Variants in TNNI3K observed in about 807,000 individuals in gnomAD.
TNNI3K encodes the protein TNNI3 interacting kinase.
Under a neutral mutation model 114.5 loss-of-function variants are expected in TNNI3K, and 140 were observed. The observed-to-expected ratio is 1.22, with a 90% CI of 1.07 to 1.41. The LOEUF (loss-of-function observed/expected upper bound fraction) is 1.41. TNNI3K is among the 40% of genes most tolerant of loss of function. The pLI is 0.00. For missense variants in TNNI3K, 1,125 were observed against 1,007.6 expected (o/e 1.12, Z -1.58); for synonymous variants, 347 against 347.5 (o/e 1.00, Z 0.02).
intron 17 of TNNI3K, 106 bp from the exon 18 acceptor site, chr1:74,435,974 A>G (rs77441605): frequency 0.012 from 17,062 of 1,423,192 alleles, 126 homozygotes; most frequent in Middle Eastern, 0.017. Context: ...TTTATTCTCT[A>G]GGGCAAACAA....
chr1:74,445,371 TC>T (rs1225187654), intron 20 of TNNI3K, among the ~76,000 whole-genome samples: 2 of 55,550 alleles, frequency 3.6e-5, no homozygotes, highest in African/African-American at 7.3e-5. Flanking sequence ...CCCTCCCCCC[TC>T]CCCCCACCCC....
intron 2 of TNNI3K, among the ~76,000 whole-genome samples, chr1:74,245,232 G>T (rs1198663427): frequency 6.6e-6 from 1 of 152,158 alleles, no homozygotes; most frequent in Non-Finnish European, 1.5e-5. Context: ...AAGTTCTCTT[G>T]TACTCTGACT....
At chr1:74,304,083 C>G (rs1004319010) in intron 5 of TNNI3K, among the ~76,000 whole-genome samples, 3 of 152,198 alleles carry the variant, frequency 2.0e-5, no homozygotes, top group Admixed American at 1.3e-4. Context: ...GGTGAAGATA[C>G]TGTGAACAAT....
intron 17 of TNNI3K, among the ~76,000 whole-genome samples, chr1:74,401,100 T>A (rs1277557603): frequency 6.6e-6 from 1 of 152,242 alleles, no homozygotes; most frequent in Non-Finnish European, 1.5e-5. Context: ...TAGGTAGTTG[T>A]TCTGTACTGG....
At chr1:74,263,453 T>C (rs1655793519) in intron 4 of TNNI3K, among the ~76,000 whole-genome samples, 1 of 151,984 alleles carries the variant, frequency 6.6e-6, no homozygotes, top group Non-Finnish European at 1.5e-5. Flanking sequence ...TGATGTTTTA[T>C]AAGTGAAGAA....
chr1:74,452,299 C>T (rs1366959703), intron 20 of TNNI3K, among the ~76,000 whole-genome samples: 1 of 152,116 alleles, frequency 6.6e-6, no homozygotes, highest in Non-Finnish European at 1.5e-5. Flanking sequence ...AAATTGCAAA[C>T]TCTCTGTAAC....
intron 9 of TNNI3K, among the ~76,000 whole-genome samples, chr1:74,343,787 A>G (rs1346974724): frequency 6.6e-6 from 1 of 152,170 alleles, no homozygotes; most frequent in Non-Finnish European, 1.5e-5. Context: ...AAAAGTTGCA[A>G]CCAAAATAAA....
At chr1:74,483,900 G>A (rs1288356684) in intron 21 of TNNI3K, among the ~76,000 whole-genome samples, 1 of 152,026 alleles carries the variant, frequency 6.6e-6, no homozygotes, top group Non-Finnish European at 1.5e-5. Context: ...CCACACCTAG[G>A]GAGTGAGTAT....
intron 5 of TNNI3K, among the ~76,000 whole-genome samples, chr1:74,309,245 G>T (rs977465977): frequency 1.3e-5 from 2 of 148,522 alleles, no homozygotes; most frequent in African/African-American, 5.0e-5. Flanking sequence ...GCGGGCGCCT[G>T]TAGTCCCAGC....
At position 74,290,213 on chromosome 1, in the gene TNNI3K, T is replaced by A. The variant is rs200640583; in HGVS notation, c.444+18505T>A. Among the ~76,000 whole-genome samples, 3 of 122 alleles carry A rather than the reference T, an allele frequency of 0.025. No individual in the cohort carries two copies. In the Admixed American group the frequency reaches 0.5, roughly 20 times the overall value. 0.1% of individuals were successfully genotyped at this position (122 alleles called of 152,430 possible). ...AATGTATTTTGCCATTCTATATTTC[T>A]TTTTTTTTTTTCAAGAGAGCAAGTC... is the stretch of plus-strand genomic sequence containing the variant. On this transcript the variant is annotated intron_variant, in intron 5 of 24. Transcript: ENST00000326637.
intron 4 of TNNI3K, among the ~76,000 whole-genome samples, chr1:74,256,997 G>A (rs1035228072): frequency 6.6e-5 from 10 of 151,998 alleles, no homozygotes; most frequent in African/African-American, 2.4e-4. Flanking sequence ...CAGAAATTTT[G>A]ACCATTAGTT....
intron 21 of TNNI3K, among the ~76,000 whole-genome samples, chr1:74,464,135 G>A (rs1001135626): frequency 1.1e-4 from 17 of 152,176 alleles, no homozygotes; most frequent in Middle Eastern, 3.2e-3. Context: ...AATAGAGAGG[G>A]AATAGTCATA....
intron 17 of TNNI3K, among the ~76,000 whole-genome samples, chr1:74,394,662 G>T (rs1287125625): frequency 6.6e-6 from 1 of 152,166 alleles, no homozygotes; most frequent in East Asian, 1.9e-4. Flanking sequence ...AGCTATTTAG[G>T]TCGTAAGTCA....
intron 4 of TNNI3K, among the ~76,000 whole-genome samples, chr1:74,256,200 A>G (rs563429079): frequency 4.0e-5 from 6 of 151,490 alleles, no homozygotes; most frequent in African/African-American, 1.2e-4. Flanking sequence ...TTAACAAACT[A>G]GCAATTCCTT....
intron 17 of TNNI3K, among the ~76,000 whole-genome samples, chr1:74,390,254 A>G (rs974418756): frequency 2.6e-5 from 4 of 152,140 alleles, no homozygotes; most frequent in African/African-American, 7.2e-5. Flanking sequence ...AAGTCTGGGT[A>G]AGATTGAGTA....
chr1:74,474,878 A>C (rs559862151), intron 21 of TNNI3K, among the ~76,000 whole-genome samples: 239 of 152,184 alleles, frequency 1.6e-3, no homozygotes, highest in Non-Finnish European at 3.1e-3. Context: ...CCATTCTTCT[A>C]ACATGTCATG....
intron 21 of TNNI3K, chr1:74,475,945 G>T: frequency 2.2e-6 from 1 of 446,344 alleles, no homozygotes; most frequent in Non-Finnish European, 4.0e-6. Flanking sequence ...TTCACCATTT[G>T]GAAAAATATC....
At chr1:74,459,810 C>A (rs1667372684) in intron 20 of TNNI3K, among the ~76,000 whole-genome samples, 1 of 152,094 alleles carries the variant, frequency 6.6e-6, no homozygotes, top group Admixed American at 6.5e-5. Context: ...TATCGACAAA[C>A]AAGGGAGAAG....
chr1:74,331,649 G>T, intron 6 of TNNI3K, 101 bp downstream of exon 6: 1 of 1,098,636 alleles, frequency 9.1e-7, no homozygotes, highest in South Asian at 2.1e-5. Context: ...AAATATATTT[G>T]AATTATTTTT....
Sources: gnomAD v4.1 joint callset for allele counts (sites outside exome capture counted in the v4.1 genomes callset) on GRCh38, gnomAD v4.1.1 for gene constraint, MANE v1.5 for transcripts, NCBI Gene and HGNC (gene_info 2026-07-23, HGNC 2026-07-21) for gene names.